Variants in MARCHF1 observed in about 807,000 individuals in gnomAD.
The protein encoded by MARCHF1 is E3 ubiquitin-protein ligase MARCHF1.
MARCHF1 carries 40 observed loss-of-function variants against 54.2 expected under a neutral mutation model. The ratio of observed to expected loss-of-function variants is 0.74; its 90% CI spans 0.57 to 0.96. The LOEUF (loss-of-function observed/expected upper bound fraction) is 0.96, where lower values mean the gene tolerates loss of function less well. Ranked by LOEUF, MARCHF1 falls within the 40% of genes least tolerant of loss-of-function variation. MARCHF1 has a pLI of 0.00. For synonymous variants in MARCHF1, 236 were observed against 236.3 expected (o/e 1.00, Z 0.01); for missense variants, 586 against 656.5 (o/e 0.89, Z 1.17).
chr4:163,873,303 T>C (rs1225908616), intron 3 of MARCHF1, among the ~76,000 whole-genome samples: 2 of 152,190 alleles, frequency 1.3e-5, no homozygotes, highest in Non-Finnish European at 2.9e-5. Context: ...CAAGTTTAAG[T>C]ATTCAAAATG....
intron 1 of MARCHF1, among the ~76,000 whole-genome samples, chr4:164,176,974 C>CTATATATATA (rs1382575137): frequency 1.0e-4 from 3 of 29,976 alleles, no homozygotes; most frequent in Admixed American, 4.0e-4. Context: ...CTCTCTCTCT[C>CTATATATATA]TCTCTCTATA....
intron 3 of MARCHF1, among the ~76,000 whole-genome samples, chr4:163,886,340 GATA>G (rs759272774): frequency 6.8e-6 from 1 of 147,200 alleles, no homozygotes; most frequent in African/African-American, 2.6e-5. Flanking sequence ...TAGATAGATA[GATA>G]GATAGATATA....
At chr4:163,540,157 A>G (rs1227653744) in intron 9 of MARCHF1, among the ~76,000 whole-genome samples, 2 of 152,230 alleles carry the variant, frequency 1.3e-5, no homozygotes, top group Non-Finnish European at 2.9e-5. Context: ...TTGATTTCTC[A>G]GAGTATTCTG....
chr4:164,091,614 G>T (rs189741466), intron 2 of MARCHF1, among the ~76,000 whole-genome samples: 187 of 151,690 alleles, frequency 1.2e-3, no homozygotes, highest in African/African-American at 4.3e-3. Context: ...TCAAATACAG[G>T]CTACAAACTG....
intron 2 of MARCHF1, among the ~76,000 whole-genome samples, chr4:164,006,918 A>G (rs1579455514): frequency 7.1e-6 from 1 of 141,550 alleles, no homozygotes; most frequent in East Asian, 2.2e-4. Context: ...TTTCACAAAT[A>G]ATCAAAAGCT....
At chr4:163,953,944 C>G (rs1752183632) in intron 3 of MARCHF1, among the ~76,000 whole-genome samples, 2 of 152,150 alleles carry the variant, frequency 1.3e-5, no homozygotes. Flanking sequence ...AAAAAGTCCA[C>G]TAACGCTTGT....
intron 1 of MARCHF1, among the ~76,000 whole-genome samples, chr4:164,306,493 A>ATT (rs142705627): frequency 0.011 from 1,656 of 152,118 alleles, 30 homozygotes; most frequent in African/African-American, 0.038. Flanking sequence ...ACTTCGAATC[A>ATT]TTTTTTCCTC....
chr4:163,776,803 A>T (rs1483306051), intron 4 of MARCHF1, among the ~76,000 whole-genome samples: 1 of 152,154 alleles, frequency 6.6e-6, no homozygotes, highest in Admixed American at 6.5e-5. Context: ...CTGCTGTAGA[A>T]ATGGTTAGTC....
At position 163,928,493 on chromosome 4, in the gene MARCHF1, C is replaced by T. The variant is rs747929226; in HGVS notation, c.-39+60008G>A. 2.2e-4 allele frequency among the ~76,000 whole-genome samples: 33 copies of T among 151,834 alleles called. 1 individual carries two copies. Among genetic ancestry groups the T allele is most frequent in the Non-Finnish European group, 1.3e-4 (9 of 67,860 alleles). ...AACTCTAGGGTAGTTGGTATTATGA[C>T]TTGCACTTTATGGATGAAGAATCTA... On this transcript the variant is annotated intron_variant, in intron 3 of 9. Transcript: ENST00000514618.
chr4:163,927,068 G>C (rs1751553608), intron 3 of MARCHF1, among the ~76,000 whole-genome samples: 1 of 151,532 alleles, frequency 6.6e-6, no homozygotes, highest in East Asian at 1.9e-4. Flanking sequence ...ATTTGATTTG[G>C]GAAAAATATT....
At chr4:164,304,530 T>C (rs941248560) in intron 1 of MARCHF1, among the ~76,000 whole-genome samples, 2 of 152,188 alleles carry the variant, frequency 1.3e-5, no homozygotes, top group African/African-American at 4.8e-5. Context: ...TCTTTAATGA[T>C]CATTTCTAAG....
intron 5 of MARCHF1, among the ~76,000 whole-genome samples, chr4:163,643,349 A>AAT (rs1445344595): frequency 6.6e-6 from 1 of 151,266 alleles, no homozygotes; most frequent in Non-Finnish European, 1.5e-5. Flanking sequence ...TAAAAATAAA[A>AAT]ATAAAAATAA....
At chr4:164,171,360 C>G (rs13435701) in intron 1 of MARCHF1, among the ~76,000 whole-genome samples, 1 of 151,744 alleles carries the variant, frequency 6.6e-6, no homozygotes, top group African/African-American at 2.4e-5. Flanking sequence ...TATAATTAAG[C>G]AACATTAACA....
At chr4:163,664,516 A>T (rs1743462835) in intron 5 of MARCHF1, among the ~76,000 whole-genome samples, 1 of 152,102 alleles carries the variant, frequency 6.6e-6, no homozygotes, top group Admixed American at 6.6e-5. Context: ...CTAGCCAGTC[A>T]GTGCCCCACC....
chr4:163,899,442 C>T (rs1750889812), intron 3 of MARCHF1, among the ~76,000 whole-genome samples: 1 of 152,062 alleles, frequency 6.6e-6, no homozygotes, highest in Admixed American at 6.6e-5. Context: ...GTATGCTCCT[C>T]CTTTCCCTCC....
chr4:163,623,618 G>A (rs1741763489), intron 5 of MARCHF1, among the ~76,000 whole-genome samples: 1 of 152,152 alleles, frequency 6.6e-6, no homozygotes, highest in Admixed American at 6.6e-5. Flanking sequence ...TGACTTTCAG[G>A]TGGAAAATTC....
intron 4 of MARCHF1, among the ~76,000 whole-genome samples, chr4:163,726,666 A>ATG (rs1185570345): frequency 4.5e-4 from 68 of 152,350 alleles, no homozygotes; most frequent in African/African-American, 1.6e-3. Context: ...TGTTTAGTTC[A>ATG]GTAAGAAACT....
At chr4:163,648,453 CT>C (rs34654489) in intron 5 of MARCHF1, among the ~76,000 whole-genome samples, 47,292 of 151,500 alleles carry the variant, frequency 0.31, 8,429 homozygotes, top group Non-Finnish European at 0.41. Flanking sequence ...CTGACTGTTT[CT>C]TAAACATTTG....
intron 2 of MARCHF1, among the ~76,000 whole-genome samples, chr4:164,033,364 G>A (rs930203462): frequency 6.6e-6 from 1 of 151,926 alleles, no homozygotes; most frequent in Non-Finnish European, 1.5e-5. Flanking sequence ...CATAGGCATG[G>A]GCAAAGCTTT....
Sources: gnomAD v4.1 joint callset for allele counts (sites outside exome capture counted in the v4.1 genomes callset) on GRCh38, gnomAD v4.1.1 for gene constraint, MANE v1.5 for transcripts, NCBI Gene and HGNC (gene_info 2026-07-23, HGNC 2026-07-21) for gene names.